CD4: variants seen among roughly 807,000 people sequenced by gnomAD.
CD4 encodes T-cell surface glycoprotein CD4.
CD4 carries 25 observed loss-of-function variants against 50.5 expected under a neutral mutation model. That is an observed-to-expected ratio of 0.49 (90% confidence interval 0.36 to 0.69). CD4 has a LOEUF of 0.69. Among genes scored for constraint, CD4 ranks in the 30% least tolerant of loss-of-function variants. The pLI, the probability that CD4 is intolerant of heterozygous loss-of-function variation, is 0.00. For missense variants in CD4, 456 were observed against 548.5 expected (o/e 0.83, Z 1.68); for synonymous variants, 207 against 221.9 (o/e 0.93, Z 0.60).
rs187296592 is a variant in CD4, at chr12:6,793,342, G to A, written c.-68+3680G>A. ...TAGTCTTCCCCAGGCATCTTATCAG[G>A]GTAAGCTGAATTTGGACCCCAGAGA... On this transcript the variant is annotated intron_variant, in intron 1 of 9. Transcript: ENST00000011653. Among the ~76,000 whole-genome samples, 292 of 152,232 alleles carry A rather than the reference G, an allele frequency of 1.9e-3. 2 individuals are homozygous for A. The highest frequency in any genetic ancestry group is 1.9e-3 in the East Asian group (10 of 5,186).
At chr12:6,793,686 A>C (rs1418331110) in intron 1 of CD4, among the ~76,000 whole-genome samples, 3 of 95,112 alleles carry the variant, frequency 3.2e-5, no homozygotes, top group South Asian at 4.0e-4. Context: ...CTATCTATCT[A>C]TCTATCTATC....
intron 3 of CD4, among the ~76,000 whole-genome samples, chr12:6,800,723 T>C (rs1942518338): frequency 6.6e-6 from 1 of 152,170 alleles, no homozygotes; most frequent in Non-Finnish European, 1.5e-5. Context: ...ACAATCACTA[T>C]CACTTAAAAC....
chr12:6,805,399 C>T (rs1942712531), intron 3 of CD4, among the ~76,000 whole-genome samples: 3 of 151,388 alleles, frequency 2.0e-5, no homozygotes, highest in Non-Finnish European at 4.4e-5. Flanking sequence ...CCCGTCTCTA[C>T]TAAAAATGCA....
At chr12:6,817,495 A>G (rs1342247363) in intron 7 of CD4, among the ~76,000 whole-genome samples, 165 bp downstream of exon 7, 1 of 152,048 alleles carries the variant, frequency 6.6e-6, no homozygotes, top group Non-Finnish European at 1.5e-5. Context: ...AAGGAGGCAT[A>G]GAAGTGATGA....
At chr12:6,805,331 G>C (rs1942708571) in intron 3 of CD4, among the ~76,000 whole-genome samples, 1 of 152,060 alleles carries the variant, frequency 6.6e-6, no homozygotes, top group South Asian at 2.1e-4. Flanking sequence ...GGGAAGTTGA[G>C]GCTGGCGGAT....
At chr12:6,804,162 GCACACACACACACACA>G (rs57392353) in intron 3 of CD4, among the ~76,000 whole-genome samples, 133,026 of 150,420 alleles carry the variant, frequency 0.88, 59,650 homozygotes, top group Non-Finnish European at 0.97. Flanking sequence ...AAAATAAAAA[GCACACACACACACACA>G]CACACACACA....
At chr12:6,817,036 TA>T in intron 6 of CD4, 93 bp from the exon 7 acceptor site, 2 of 1,102,000 alleles carry the variant, frequency 1.8e-6, no homozygotes, top group Non-Finnish European at 2.7e-6. Flanking sequence ...AAACCTGCTC[TA>T]AAAGGCTAAA....
intron 3 of CD4, among the ~76,000 whole-genome samples, chr12:6,812,679 C>CA (rs1327428275): frequency 0.011 from 1,460 of 135,700 alleles, 20 homozygotes; most frequent in African/African-American, 0.035. Flanking sequence ...AACTCCATCT[C>CA]AAAAAAAAAA....
At chr12:6,805,207 GA>G (rs1418572109) in intron 3 of CD4, among the ~76,000 whole-genome samples, 9 of 27,378 alleles carry the variant, frequency 3.3e-4, no homozygotes, top group Admixed American at 1.6e-3. Context: ...AAAAAAAAAA[GA>G]AAAGAAAAGA....
chr12:6,791,443 A>G (rs1385135869), intron 1 of CD4, among the ~76,000 whole-genome samples: 1 of 152,124 alleles, frequency 6.6e-6, no homozygotes, highest in South Asian at 2.1e-4. Context: ...AGGTTTCACT[A>G]TGTTGGACAG....
chr12:6,799,966 G>A, intron 1 of CD4, 106 bp from the exon 2 acceptor site: 1 of 617,278 alleles, frequency 1.6e-6, no homozygotes, highest in Non-Finnish European at 2.9e-6. Context: ...CCTGCCTCAA[G>A]TTCACTAGGC....
In CD4 at chr12:6,818,722, A is replaced by G; in HGVS notation, c.1279-125A>G. ...CAGGAAGGAGCAGAGAGTTAATTCC[A>G]GGATAGATGGCCTGGGCCATGTAAC... is the stretch of plus-strand genomic sequence containing the variant. On this transcript the variant is annotated intron_variant, in intron 8 of 9. Transcript: ENST00000011653. This position sits in a 1 kb window ranked among gnomAD's most constrained non-coding sequence, Gnocchi z 5.0. 1 of 1,185,216 alleles carries G rather than the reference A, an allele frequency of 8.4e-7. No homozygotes were observed. Among genetic ancestry groups the G allele is most frequent in the Non-Finnish European group, 1.3e-6 (1 of 798,884 alleles). 73.4% of individuals were successfully genotyped at this position (1,185,216 alleles called of 1,614,324 possible). A position where few individuals can be genotyped will look rare whatever the true frequency, so the allele number is the denominator to read the frequency against.
In CD4 at chr12:6,820,224, G is replaced by C. The variant is rs1487986702; in HGVS notation, c.*895G>C. 1 of 152,202 alleles carries C rather than the reference G, an allele frequency of 6.6e-6. No individual in the cohort carries two copies. Among genetic ancestry groups the C allele is most frequent in the African/African-American group, 2.4e-5 (1 of 41,426 alleles). The allele number at this position is 152,202 out of a possible 1,614,324, so 9.4% of individuals were successfully genotyped here. A position where few individuals can be genotyped will look rare whatever the true frequency, so the allele number is the denominator to read the frequency against. ...ACAGAAGCACAGCACCCATGGGAAG[G>C]GTCCATCTCAGAGAATTTACGAGCA... On this transcript the variant is annotated 3_prime_UTR_variant, in exon 10 of 10. Transcript: ENST00000011653.
intron 3 of CD4, among the ~76,000 whole-genome samples, 154 bp downstream of exon 3, chr12:6,800,625 C>G (rs1942515282): frequency 6.6e-6 from 1 of 152,070 alleles, no homozygotes; most frequent in Admixed American, 6.5e-5. Flanking sequence ...TTCTCTACAC[C>G]AACTGCTGGT....
Position 6,814,878 on chromosome 12 carries a change from G to C in CD4, c.493G>C (p.Gly165Arg), listed in dbSNP as rs371349550. 31 of 1,613,436 alleles carry C rather than the reference G, an allele frequency of 1.9e-5. No individual in the cohort carries two copies. Among genetic ancestry groups the C allele is most frequent in the Non-Finnish European group, 2.3e-5 (27 of 1,179,674 alleles). The part of the protein sequence containing the change: ...CRSPRGKNIQ[G>R]GKTLSVSQLE... ...GAGTCCAAGGGGTAAAAACATACAG[G>C]GGGGGAAGACCCTCTCCGTGTCTCA... Residue 165 changes from glycine to arginine, a missense_variant, in exon 5 of 10, where the codon GGG (glycine) becomes CGG (arginine). Transcript: ENST00000011653.
intron 3 of CD4, among the ~76,000 whole-genome samples, chr12:6,806,271 C>T (rs1355500346): frequency 1.3e-5 from 2 of 151,680 alleles, no homozygotes; most frequent in East Asian, 1.9e-4. Flanking sequence ...TATACACACA[C>T]GTGTGTGTAC....
At chr12:6,791,831 C>T (rs919294945) in intron 1 of CD4, among the ~76,000 whole-genome samples, 4 of 152,142 alleles carry the variant, frequency 2.6e-5, no homozygotes, top group African/African-American at 9.7e-5. Flanking sequence ...GCAGTGAGGC[C>T]TGACTGTGCC....
In CD4 at chr12:6,818,810, T is replaced by A; in HGVS notation, c.1279-37T>A. ...AAGGGGCACCTCCCTTCTGGAGGCC[T>A]GGGACCCTCGTGACTCCCTTTCTTG... On this transcript the variant is annotated intron_variant, in intron 8 of 9. Coordinates refer to ENST00000011653, the MANE Select transcript of CD4 (RefSeq NM_000616.5). This position sits in a 1 kb window ranked among gnomAD's most constrained non-coding sequence, Gnocchi z 5.0. 1 of 1,588,762 alleles carries A rather than the reference T, an allele frequency of 6.3e-7. No homozygotes were observed. Among genetic ancestry groups the A allele is most frequent in the Non-Finnish European group, 8.6e-7 (1 of 1,156,962 alleles).
rs920320906 is a variant in CD4, at chr12:6,792,978, A to G, written c.-68+3316A>G. 3.3e-5 allele frequency among the ~76,000 whole-genome samples: 5 copies of G among 151,862 alleles called. No homozygotes were observed. The highest frequency in any genetic ancestry group is 1.2e-4 in the African/African-American group (5 of 41,358). On this transcript the variant is annotated intron_variant, in intron 1 of 9. Transcript: ENST00000011653. This position sits in a 1 kb window ranked among gnomAD's most constrained non-coding sequence, Gnocchi z 4.1. ...CAAGGAGGGAGAGAGAGAGACAGAA[A>G]GAGAGAGAGAGACGTGCCAGGGCTT...
Sources: allele counts gnomAD v4.1 joint callset (sites outside exome capture counted in the v4.1 genomes callset), GRCh38; gene constraint gnomAD v4.1.1; non-coding constraint Gnocchi (gnomAD v3.1); transcripts MANE v1.5; gene names NCBI Gene and HGNC (gene_info 2026-07-23, HGNC 2026-07-21).